PNPLA2: variants seen among roughly 807,000 people sequenced by gnomAD.
PNPLA2 encodes the protein patatin like domain 2, triacylglycerol lipase.
Under a neutral mutation model 39.7 loss-of-function variants are expected in PNPLA2, and 28 were observed. The observed-to-expected ratio is 0.70, with a 90% CI of 0.52 to 0.97. The LOEUF (loss-of-function observed/expected upper bound fraction) is 0.97, where lower values mean the gene tolerates loss of function less well. Ranked by LOEUF, PNPLA2 falls within the 50% of genes least tolerant of loss-of-function variation. The probability of loss-of-function intolerance (pLI) is 0.00; values close to 1 mark genes in which losing one functional copy is unlikely to be tolerated. For missense variants in PNPLA2, 768 were observed against 698.2 expected (o/e 1.10, Z -1.13); for synonymous variants, 392 against 321.1 (o/e 1.22, Z -2.36).
chr11:824,827 G>T lies in PNPLA2; in HGVS notation c.1480G>T (p.Glu494Ter), dbSNP rs1375873536. The part of the protein sequence containing the change: ...PAPLLSTPAP[E>*]ARPVIGALGL ...CCCCTTGCTGAGCACCCCTGCTCCC[G>T]AGGCCCGGCCCGTGATCGGGGCCCT... is the stretch of plus-strand genomic sequence containing the variant. The change falls in exon 10 of 10, where the codon GAG becomes TAG. Residue 494 changes from glutamate (E) to a stop codon, truncating the protein, a stop_gained. Transcript: ENST00000336615. LOFTEE classifies it low-confidence loss of function (END_TRUNC). The T allele has an allele frequency of 6.5e-7, 1 of 1,534,862 alleles. No homozygotes were observed. The highest frequency in any genetic ancestry group is 8.7e-7 in the Non-Finnish European group (1 of 1,146,334).
Position 822,453 on chromosome 11 carries a change from C to T in PNPLA2, c.543C>T (p.Thr181=), listed in dbSNP as rs928426970. 1.9e-6 allele frequency: 3 copies of T among 1,613,968 alleles called. No individual in the cohort carries two copies. Among genetic ancestry groups the T allele is most frequent in the African/African-American group, 2.7e-5 (2 of 74,914 alleles). The change falls in exon 5 of 10, where the codon ACC becomes ACT. Residue 181 remains threonine, a synonymous_variant. Transcript: ENST00000336615. The part of the protein sequence containing the change: ...DNLPLYELKN[T]ITVSPFSGES... ...TGCCACTCTATGAGCTTAAGAACAC[C>T]ATCACAGTGTCCCCCTTCTCGGGCG...
chr11:822,320 G>A (rs1226255709), intron 4 of PNPLA2, 77 bp from the exon 5 acceptor site: 11 of 1,322,442 alleles, frequency 8.3e-6, no homozygotes, highest in Admixed American at 6.7e-5. Flanking sequence ...CTTGGTGGCC[G>A]GGTGGGGTGG....
chr11:821,125 G>A (rs1845651204), intron 2 of PNPLA2: 4 of 199,680 alleles, frequency 2.0e-5, no homozygotes, highest in South Asian at 1.6e-4. Context: ...GCACTCCTGC[G>A]CCCCAAGAGG....
chr11:823,920 G>C (rs1363260441), intron 7 of PNPLA2, 65 bp downstream of exon 7: 2 of 1,546,986 alleles, frequency 1.3e-6, no homozygotes, highest in Non-Finnish European at 8.7e-7. Context: ...AGGAGAGGAC[G>C]GTGAGCAGGG....
rs2133849779 is a variant in PNPLA2, at chr11:823,863, C to G, written c.919+8C>G. On this transcript the variant is annotated splice_region_variant and intron_variant, in intron 7 of 9. Transcript: ENST00000336615. ...CCGCCCGGCTCAATGAGGGTGCGCA[C>G]CTGGGGGACGGGAGGGGAGGAGGGG... 6.3e-7 allele frequency: 1 copy of G among 1,578,200 alleles called. No individual in the cohort carries two copies. The highest frequency in any genetic ancestry group is 8.6e-7 in the Non-Finnish European group (1 of 1,163,476).
intron 2 of PNPLA2, 105 bp downstream of exon 2, chr11:820,010 C>T (rs1294851883): frequency 4.5e-6 from 4 of 881,620 alleles, no homozygotes; most frequent in Non-Finnish European, 6.2e-6. Flanking sequence ...TCGGTGGGTA[C>T]CGTGGGGAGG....
intron 9 of PNPLA2, 32 bp from the exon 10 acceptor site, chr11:824,491 G>A: frequency 6.5e-7 from 1 of 1,545,232 alleles, no homozygotes; most frequent in Non-Finnish European, 8.7e-7. Context: ...GCCGGGAGCT[G>A]AAGCCCTCCC....
intron 1 of PNPLA2, 54 bp from the exon 2 acceptor site, chr11:819,520 G>A (rs904751603): frequency 8.0e-7 from 1 of 1,257,776 alleles, no homozygotes; most frequent in Non-Finnish European, 1.0e-6. Context: ...TGCCGGCCCC[G>A]CCCCCGCCGT....
chr11:824,518 C>A lies in PNPLA2; in HGVS notation c.1176-5C>A. 1 of 1,546,754 alleles carries A rather than the reference C, an allele frequency of 6.5e-7. No individual in the cohort carries two copies. The highest frequency in any genetic ancestry group is 8.7e-7 in the Non-Finnish European group (1 of 1,148,360). ...AGCCCTCCCTGCCGCATCCCTGCCCCGCAGGCTGCCGGAGCAGGTGGAGCT... is the reference window on the plus strand; with the variant it reads ...AGCCCTCCCTGCCGCATCCCTGCCCAGCAGGCTGCCGGAGCAGGTGGAGCT... On this transcript the variant is annotated splice_region_variant and splice_polypyrimidine_tract_variant and intron_variant, in intron 9 of 9. Coordinates refer to ENST00000336615, the MANE Select transcript of PNPLA2 (RefSeq NM_020376.4).
At position 819,658 on chromosome 11, in the gene PNPLA2, G is replaced by A. The variant is rs1565084977; in HGVS notation, c.-61G>A. 7.1e-7 allele frequency: 1 copy of A among 1,416,066 alleles called. No homozygotes were observed. The highest frequency in any genetic ancestry group is 9.3e-7 in the Non-Finnish European group (1 of 1,077,392). 87.7% of individuals were successfully genotyped at this position (1,416,066 alleles called of 1,614,324 possible). A position where few individuals can be genotyped will look rare whatever the true frequency, so the allele number is the denominator to read the frequency against. On this transcript the variant is annotated 5_prime_UTR_variant, in exon 2 of 10. Coordinates refer to ENST00000336615, the MANE Select transcript of PNPLA2 (RefSeq NM_020376.4). ...CCCGGCTCCAGCGAGCGAGCGGCGA[G>A]CAGGCGGCTCACAGAGGCCTGGCCG...
At position 822,053 on chromosome 11, in the gene PNPLA2, A is replaced by G. The variant is rs554626337; in HGVS notation, c.486+30A>G. The G allele has an allele frequency of 2.5e-6, 4 of 1,597,166 alleles. 1 individual carries two copies. Among genetic ancestry groups the G allele is most frequent in the South Asian group, 2.2e-5 (2 of 90,740 alleles). ...GTATTCCTAGCCCTGGACACCTTCT[A>G]TGGGGTGGGCCGTGGGATGAGGGAC... On this transcript the variant is annotated intron_variant, in intron 4 of 9. Transcript: ENST00000336615.
rs1261799430 is a variant in PNPLA2 at position 819,586 on chromosome 11, C to A, written c.-133C>A. Reference sequence around the variant, plus strand: ...GCCGCCCGCGTAGCTTCTTCGCCTCCGCCAGCGGGGACCCCGAGCTAGAGC... The same window carrying A: ...GCCGCCCGCGTAGCTTCTTCGCCTCAGCCAGCGGGGACCCCGAGCTAGAGC... On this transcript the variant is annotated 5_prime_UTR_variant, in exon 2 of 10. Transcript: ENST00000336615. 1 of 1,279,972 alleles carries A rather than the reference C, an allele frequency of 7.8e-7. No homozygotes were observed. The highest frequency in any genetic ancestry group is 1.0e-6 in the Non-Finnish European group (1 of 1,004,216). 79.3% of individuals were successfully genotyped at this position (1,279,972 alleles called of 1,614,324 possible).
At position 824,923 on chromosome 11, in the gene PNPLA2, T is replaced by G. The variant is rs1845838931; in HGVS notation, c.*61T>G. ...CCTCCATTACCACTGCGCAGTGAGA[T>G]GAGGGGACTCACAGTTGCCAAGAGG... On this transcript the variant is annotated 3_prime_UTR_variant, in exon 10 of 10. Coordinates refer to ENST00000336615, the MANE Select transcript of PNPLA2 (RefSeq NM_020376.4). 1.5e-6 allele frequency: 2 copies of G among 1,335,318 alleles called. No individual in the cohort carries two copies. The highest frequency in any genetic ancestry group is 2.1e-6 in the Non-Finnish European group (2 of 963,992). The allele number at this position is 1,335,318 out of a possible 1,614,324, so 82.7% of individuals were successfully genotyped here. A position where few individuals can be genotyped will look rare whatever the true frequency, so the allele number is the denominator to read the frequency against.
rs767210396 is a variant in PNPLA2 at position 824,709 on chromosome 11, C to A, written c.1362C>A (p.Phe454Leu). 1 of 1,591,390 alleles carries A rather than the reference C, an allele frequency of 6.3e-7. No individual in the cohort carries two copies. Among genetic ancestry groups the A allele is most frequent in the Non-Finnish European group, 8.5e-7 (1 of 1,176,114 alleles). ...GCCTCTTCTGCACCAACGTGGCCTT[C>A]CCGCCCGAAGCTCTGCGCATGCGCG... ...LLGLFCTNVA[F>L]PPEALRMRAP... Residue 454 changes from phenylalanine to leucine, a missense_variant, in exon 10 of 10, where the codon TTC becomes TTA. Physicochemically the swap from Phe to Leu is conservative, Grantham distance 22. Coordinates refer to ENST00000336615, the MANE Select transcript of PNPLA2 (RefSeq NM_020376.4).
rs1845720071 is a variant in PNPLA2 at position 822,966 on chromosome 11, A to G, written c.696+360A>G. On this transcript the variant is annotated intron_variant, in intron 5 of 9. Transcript: ENST00000336615. ...CAGCCTCCCCATTAGCTGGGATTAC[A>G]GGCGCCTGCCACCATGCCTGGCTAC... 3.3e-5 allele frequency among the ~76,000 whole-genome samples: 5 copies of G among 152,262 alleles called. No homozygotes were observed. The South Asian group carries it at 1.0e-3, about 32-fold the overall frequency.
chr11:824,968 C>A lies in PNPLA2; in HGVS notation c.*106C>A, dbSNP rs1845841208. 2 of 924,584 alleles carry A rather than the reference C, an allele frequency of 2.2e-6. No homozygotes were observed. Among genetic ancestry groups the A allele is most frequent in the Non-Finnish European group, 1.6e-6 (1 of 611,956 alleles). The allele number at this position is 924,584 out of a possible 1,614,324, so 57.3% of individuals were successfully genotyped here. The stretch of plus-strand genomic sequence containing the variant: ...AAGAGGGGTCTTTGCCGTGGGCCCC[C>A]TCGCCAGCCACTCACCAGCTGCATG... On this transcript the variant is annotated 3_prime_UTR_variant, in exon 10 of 10. Coordinates refer to ENST00000336615, the MANE Select transcript of PNPLA2 (RefSeq NM_020376.4).
intron 1 of PNPLA2, among the ~76,000 whole-genome samples, 191 bp downstream of exon 1, chr11:819,149 G>A (rs1455721588): frequency 1.3e-5 from 2 of 152,238 alleles, no homozygotes; most frequent in Admixed American, 6.5e-5. Flanking sequence ...AGGCCTGTGC[G>A]GCTTTCAGGT....
chr11:824,113 T>C lies in PNPLA2; in HGVS notation c.1035T>C (p.Ala345=), dbSNP rs1565089965. 1 of 1,600,186 alleles carries C rather than the reference T, an allele frequency of 6.2e-7. No individual in the cohort carries two copies. The highest frequency in any genetic ancestry group is 8.5e-7 in the Non-Finnish European group (1 of 1,174,940). Residue 345 remains alanine, a synonymous_variant, in exon 8 of 10, where the codon GCT becomes GCC. Transcript: ENST00000336615. ...MVPYTLPLES[A]LSFTIRLLEW... is the part of the protein sequence containing the mutation. ...CCTACACGCTGCCGCTGGAGAGCGC[T>C]CTGTCCTTCACCATCCGGTGTGAGG... is the stretch of plus-strand genomic sequence containing the variant.
Position 821,950 on chromosome 11 carries a change from C to T in PNPLA2, c.421-8C>T, listed in dbSNP as rs1306265159. ...CTCATTCTCTCCCACTCTGTCCCTG[C>T]CCTGAAGGCCAATGTCTGCAGCGGT... On this transcript the variant is annotated splice_region_variant and splice_polypyrimidine_tract_variant and intron_variant, in intron 3 of 9. Transcript: ENST00000336615. The T allele has an allele frequency of 6.2e-7, 1 of 1,613,896 alleles. No individual in the cohort carries two copies. The highest frequency in any genetic ancestry group is 1.3e-5 in the African/African-American group (1 of 75,042).
Sources: allele counts gnomAD v4.1 joint callset (sites outside exome capture counted in the v4.1 genomes callset), GRCh38; gene constraint gnomAD v4.1.1; transcripts MANE v1.5; gene names NCBI Gene and HGNC (gene_info 2026-07-23, HGNC 2026-07-21).